ERC2: variants seen among roughly 807,000 people sequenced by gnomAD.
ERC2 encodes ELKS/RAB6-interacting/CAST family member 2.
A neutral mutation model predicts 114.8 loss-of-function variants in ERC2; 42 were observed. The observed-to-expected ratio is 0.37, with a 90% CI of 0.29 to 0.47. The LOEUF is 0.47. Ranked by LOEUF, ERC2 falls within the 20% of genes least tolerant of loss-of-function variation. The pLI, the probability that ERC2 is intolerant of heterozygous loss-of-function variation, is 0.99. For synonymous variants in ERC2, 454 were observed against 425.5 expected, an observed-to-expected ratio of 1.07 and a Z score of -0.82; for missense variants, 939 against 1,150.7, an observed-to-expected ratio of 0.82 and a Z score of 2.66.
chr3:56,442,621 G>A (rs974841322), intron 1 of ERC2, among the ~76,000 whole-genome samples: 3 of 152,142 alleles, frequency 2.0e-5, no homozygotes, highest in Non-Finnish European at 4.4e-5. Context: ...CAAGGCTACT[G>A]GGGTTTTCGT....
chr3:55,914,796 C>G (rs2065002525), intron 13 of ERC2, among the ~76,000 whole-genome samples: 3 of 152,184 alleles, frequency 2.0e-5, no homozygotes, highest in Admixed American at 2.0e-4. Context: ...TCCCATAAAA[C>G]TAGACACCCA....
At chr3:56,050,828 T>A (rs958170404) in intron 7 of ERC2, among the ~76,000 whole-genome samples, 4 of 152,222 alleles carry the variant, frequency 2.6e-5, no homozygotes, top group Admixed American at 6.5e-5. Context: ...TTCCAGACTG[T>A]ATTCCCAATA....
intron 17 of ERC2, among the ~76,000 whole-genome samples, chr3:55,621,263 G>A (rs1311743277): frequency 6.6e-6 from 1 of 152,064 alleles, no homozygotes; most frequent in East Asian, 1.9e-4. Flanking sequence ...CCCAAGTGGT[G>A]GGCTGGTTAA....
At chr3:55,539,203 A>C (rs922725824) in intron 17 of ERC2, among the ~76,000 whole-genome samples, 2 of 152,196 alleles carry the variant, frequency 1.3e-5, no homozygotes, top group African/African-American at 4.8e-5. Context: ...CGAAGGGTGC[A>C]TAAAAGCCCA....
chr3:55,817,522 C>A (rs183911772), intron 14 of ERC2, among the ~76,000 whole-genome samples: 1 of 152,096 alleles, frequency 6.6e-6, no homozygotes, highest in Admixed American at 6.6e-5. Flanking sequence ...TGCAAATAAG[C>A]GATATTTATA....
At chr3:56,265,166 A>C (rs1024985275) in intron 3 of ERC2, among the ~76,000 whole-genome samples, 1 of 152,192 alleles carries the variant, frequency 6.6e-6, no homozygotes, top group Non-Finnish European at 1.5e-5. Context: ...GAGGAAGAAA[A>C]ATAAAGTGGA....
intron 14 of ERC2, among the ~76,000 whole-genome samples, chr3:55,774,466 C>T (rs1222194943): frequency 6.6e-6 from 1 of 152,242 alleles, no homozygotes; most frequent in Admixed American, 6.5e-5. Flanking sequence ...GCAATCTTCC[C>T]CCTTTCCTTG....
chr3:55,662,605 A>T (rs1349284179), intron 17 of ERC2, among the ~76,000 whole-genome samples: 1 of 152,176 alleles, frequency 6.6e-6, no homozygotes, highest in Non-Finnish European at 1.5e-5. Flanking sequence ...GTTGGGGGAC[A>T]GAGTGAAGGA....
At chr3:55,741,304 T>G (rs1385433360) in intron 14 of ERC2, among the ~76,000 whole-genome samples, 1 of 152,196 alleles carries the variant, frequency 6.6e-6, no homozygotes, top group African/African-American at 2.4e-5. Context: ...TTGCTTTTTT[T>G]TTTCTCGCGG....
intron 17 of ERC2, among the ~76,000 whole-genome samples, chr3:55,633,441 T>C (rs760405622): frequency 6.6e-6 from 1 of 152,116 alleles, no homozygotes; most frequent in Non-Finnish European, 1.5e-5. Flanking sequence ...AATAACTCTA[T>C]ATCCCTTCCC....
intron 1 of ERC2, among the ~76,000 whole-genome samples, chr3:56,437,803 T>C (rs2062093399): frequency 6.6e-6 from 1 of 152,222 alleles, no homozygotes; most frequent in South Asian, 2.1e-4. Context: ...AATGGAATAG[T>C]GGAACAGGCA....
In ERC2 at chr3:56,296,160, C is replaced by T; in HGVS notation, c.933G>A (p.Met311Ile). The T allele has an allele frequency of 6.2e-7, 1 of 1,614,008 alleles. No homozygotes were observed. Among genetic ancestry groups the T allele is most frequent in the Non-Finnish European group, 8.5e-7 (1 of 1,179,888 alleles). Residue 311 changes from methionine (M) to isoleucine (I), a missense_variant, in exon 3 of 18, where the codon ATG (methionine) becomes ATA (isoleucine). By Grantham distance (10) the Met-to-Ile change is conservative. This residue lies in a region of ERC2 where 33 missense variants were observed against 75.6 expected (regional missense o/e 0.44). Coordinates refer to ENST00000288221, the MANE Select transcript of ERC2 (RefSeq NM_015576.3). Reference protein sequence around the residue: ...RDESIKKLLEMLQSKGLPSKS... With the variant: ...RDESIKKLLEILQSKGLPSKS... ...TGGATGGCAAGCCTTTACTTTGCAACATCTCAAGAAGTTTTTTAATTGACT... is the reference window on the plus strand; with the variant it reads ...TGGATGGCAAGCCTTTACTTTGCAATATCTCAAGAAGTTTTTTAATTGACT...
At chr3:56,451,254 CA>C in intron 1 of ERC2, among the ~76,000 whole-genome samples, 1 of 152,012 alleles carries the variant, frequency 6.6e-6, no homozygotes, top group Non-Finnish European at 1.5e-5. Context: ...TCCAATCACA[CA>C]AAATTTTGCT....
intron 14 of ERC2, among the ~76,000 whole-genome samples, chr3:55,798,597 CAA>C (rs769555442): frequency 2.2e-4 from 20 of 90,044 alleles, no homozygotes; most frequent in Non-Finnish European, 2.1e-4. Context: ...GACTTCGTTT[CAA>C]AAAAAAAAAA....
At chr3:56,010,111 C>T (rs1241215303) in intron 9 of ERC2, among the ~76,000 whole-genome samples, 1 of 152,164 alleles carries the variant, frequency 6.6e-6, no homozygotes, top group Non-Finnish European at 1.5e-5. Context: ...TTACTATCAT[C>T]ATCGCTGCTG....
chr3:55,968,351 C>T (rs1475875603), intron 12 of ERC2, among the ~76,000 whole-genome samples: 2 of 152,054 alleles, frequency 1.3e-5, no homozygotes, highest in African/African-American at 2.4e-5. Flanking sequence ...GTTTTCTCAC[C>T]GAACAAATTG....
chr3:55,812,758 T>C (rs944202181), intron 14 of ERC2, among the ~76,000 whole-genome samples: 4 of 152,144 alleles, frequency 2.6e-5, no homozygotes, highest in African/African-American at 7.2e-5. Context: ...AGGCACACAA[T>C]AGGAGAGGGG....
intron 17 of ERC2, among the ~76,000 whole-genome samples, chr3:55,556,794 A>C (rs1394309963): frequency 6.6e-6 from 1 of 152,222 alleles, no homozygotes; most frequent in Non-Finnish European, 1.5e-5. Context: ...CTAATTCCAC[A>C]AGCCAATAAA....
chr3:55,850,586 T>C (rs2061527809), intron 14 of ERC2, among the ~76,000 whole-genome samples: 2 of 152,118 alleles, frequency 1.3e-5, no homozygotes, highest in Non-Finnish European at 2.9e-5. Flanking sequence ...TTTACCAGAA[T>C]CAAAGTGTCT....
Sources: gnomAD v4.1 joint callset for allele counts (sites outside exome capture counted in the v4.1 genomes callset) on GRCh38, gnomAD v4.1.1 for gene constraint, gnomAD v4.1.1 regional missense constraint, MANE v1.5 for transcripts, NCBI Gene and HGNC (gene_info 2026-07-23, HGNC 2026-07-21) for gene names.